The following TMEM116 variants were observed in gnomAD, a reference collection of about 807,000 sequenced individuals.
TMEM116 encodes transmembrane protein 116.
A neutral mutation model predicts 44.3 loss-of-function variants in TMEM116; 38 were observed. That is an observed-to-expected ratio of 0.86 (90% CI 0.66 to 1.12). The LOEUF is 1.12. TMEM116 is among the 50% of genes most tolerant of loss of function. TMEM116 has a pLI of 0.00. For missense variants in TMEM116, 354 were observed against 401.7 expected (o/e 0.88, Z 1.01); for synonymous variants, 132 against 144.8 (o/e 0.91, Z 0.64).
Position 111,943,325 on chromosome 12 carries a change from C to T in TMEM116, c.255G>A (p.Trp85Ter), listed in dbSNP as rs766529422. 6 of 1,613,904 alleles carry T rather than the reference C, an allele frequency of 3.7e-6. No individual in the cohort carries two copies. The highest frequency in any genetic ancestry group is 2.2e-5 in the East Asian group (1 of 44,892). ...TCATCCTCAGCTCTGTGTACAAATACCAGATGTAATTGACGGTGTAGAGAA... is the reference window on the plus strand; with the variant it reads ...TCATCCTCAGCTCTGTGTACAAATATCAGATGTAATTGACGGTGTAGAGAA... ...SSFLYTVNYIWYLYTELRMKH... is the reference protein window; with the variant it reads ...SSFLYTVNYI Residue 85 changes from tryptophan (W) to a stop codon, truncating the protein, a stop_gained, in exon 5 of 11, where the codon TGG (tryptophan) becomes TGA (stop). Coordinates refer to ENST00000552374, the MANE Select transcript of TMEM116 (RefSeq NM_001193531.2). LOFTEE classifies it high-confidence loss of function.
chr12:112,003,658 C>CA, intron 3 of TMEM116, 142 bp downstream of exon 3: 2 of 1,237,524 alleles, frequency 1.6e-6, no homozygotes, highest in Non-Finnish European at 2.1e-6. Flanking sequence ...CTGACCATGC[C>CA]AAAAATATCT....
At position 111,949,880 on chromosome 12, in the gene TMEM116, C is replaced by T. The variant is rs543522970; in HGVS notation, c.211-6511G>A. Among the ~76,000 whole-genome samples, 17 of 152,158 alleles carry T rather than the reference C, an allele frequency of 1.1e-4. No homozygotes were observed. In the South Asian group the frequency reaches 1.2e-3, roughly 11 times the overall value. ...CTGTAATCCCAGCACTTTGGAAGAC[C>T]GAGGCGGGTGGATCACCTGAGGTCA... On this transcript the variant is annotated intron_variant, in intron 4 of 10. Transcript: ENST00000552374.
intron 4 of TMEM116, among the ~76,000 whole-genome samples, chr12:111,951,240 T>C (rs1041089983): frequency 5.3e-5 from 8 of 152,240 alleles, no homozygotes; most frequent in Non-Finnish European, 1.2e-4. Flanking sequence ...AGTTCAACCA[T>C]TGTGGAAAAC....
intron 4 of TMEM116, among the ~76,000 whole-genome samples, chr12:111,972,401 C>T (rs2075397339): frequency 6.6e-6 from 1 of 152,254 alleles, no homozygotes; most frequent in South Asian, 2.1e-4. Flanking sequence ...GATATCAATA[C>T]TCCTCACTCA....
intron 9 of TMEM116, among the ~76,000 whole-genome samples, chr12:111,933,344 T>C (rs1764439391): frequency 6.6e-6 from 1 of 152,086 alleles, no homozygotes; most frequent in African/African-American, 2.4e-5. Context: ...TTTTCTCCTC[T>C]TATATCATGG....
chr12:111,933,025 G>C (rs1177584805), intron 9 of TMEM116, among the ~76,000 whole-genome samples: 1 of 152,194 alleles, frequency 6.6e-6, no homozygotes, highest in Non-Finnish European at 1.5e-5. Flanking sequence ...CAGATCACCT[G>C]AGGTCAGGAG....
intron 1 of TMEM116, 191 bp from the exon 2 acceptor site, chr12:112,005,494 C>T (rs2077527515): frequency 2.1e-6 from 1 of 484,256 alleles, no homozygotes; most frequent in South Asian, 1.1e-4. Flanking sequence ...TTTTTCCTCT[C>T]TTATTTCTAT....
intron 8 of TMEM116, chr12:111,934,236 C>A: frequency 1.8e-6 from 1 of 551,434 alleles, no homozygotes; most frequent in Non-Finnish European, 3.1e-6. Context: ...GGGAAATGGA[C>A]AGGTAACTAG....
At chr12:111,938,898 A>ATAT (rs10635487) in intron 5 of TMEM116, among the ~76,000 whole-genome samples, 40,604 of 151,928 alleles carry the variant, frequency 0.27, 7,058 homozygotes, top group East Asian at 0.85. Flanking sequence ...GATAGAAAAC[A>ATAT]TATATTTGGA....
At chr12:111,932,168 A>G (rs2071706953) in intron 10 of TMEM116, among the ~76,000 whole-genome samples, 1 of 152,142 alleles carries the variant, frequency 6.6e-6, no homozygotes, top group African/African-American at 2.4e-5. Flanking sequence ...AATCCAATAA[A>G]GAAAAAAAAG....
intron 3 of TMEM116, among the ~76,000 whole-genome samples, chr12:111,999,482 G>A (rs910300870): frequency 1.3e-5 from 2 of 151,880 alleles, no homozygotes; most frequent in African/African-American, 4.8e-5. Context: ...TGTAATCCCA[G>A]CTACTCGGGA....
chr12:111,937,341 C>A, intron 6 of TMEM116, 98 bp from the exon 7 acceptor site: 2 of 843,200 alleles, frequency 2.4e-6, no homozygotes, highest in East Asian at 2.7e-5. Context: ...CTCTATCATC[C>A]CACCAATCTC....
intron 10 of TMEM116, 83 bp from the exon 11 acceptor site, chr12:111,931,910 A>C (rs1593247101): frequency 1.1e-6 from 1 of 947,780 alleles, no homozygotes; most frequent in East Asian, 2.6e-5. Context: ...CTTATTCATA[A>C]AGCATTGTTA....
At position 112,008,155 on chromosome 12, in the gene TMEM116, C is replaced by T. The variant is rs572463324; in HGVS notation, c.-33-2852G>A. ...GTGTTTGCATCACTGCACTCACGCTCCAGCCTGAGCGACAGAGTGAAACCC... is the reference window on the plus strand; with the variant it reads ...GTGTTTGCATCACTGCACTCACGCTTCAGCCTGAGCGACAGAGTGAAACCC... On this transcript the variant is annotated intron_variant, in intron 1 of 10. Coordinates refer to ENST00000552374, the MANE Select transcript of TMEM116 (RefSeq NM_001193531.2). Among the ~76,000 whole-genome samples the T allele has an allele frequency of 3.7e-4, 56 of 152,236 alleles. 1 individual carries two copies. Among genetic ancestry groups the T allele is most frequent in the Middle Eastern group, 6.8e-3 (2 of 294 alleles).
chr12:111,959,805 A>G (rs1245359065), intron 4 of TMEM116, among the ~76,000 whole-genome samples: 1 of 152,242 alleles, frequency 6.6e-6, no homozygotes, highest in Admixed American at 6.5e-5. Context: ...AAGAAGAGCT[A>G]ACTATCCTAA....
chr12:111,980,381 A>G (rs2075873570), intron 4 of TMEM116, among the ~76,000 whole-genome samples: 1 of 152,194 alleles, frequency 6.6e-6, no homozygotes, highest in South Asian at 2.1e-4. Context: ...TATAGAAACC[A>G]TAAAAATATC....
intron 4 of TMEM116, among the ~76,000 whole-genome samples, chr12:111,988,671 C>G (rs556524516): frequency 1.0e-4 from 15 of 146,074 alleles, no homozygotes; most frequent in Non-Finnish European, 1.9e-4. Context: ...TGCACTCCAG[C>G]CTGGTGACAG....
Position 112,007,892 on chromosome 12 carries a change from CCT to C in TMEM116, c.-33-2591_-33-2590del, listed in dbSNP as rs1467951474. On this transcript the variant is annotated intron_variant, in intron 1 of 10. Coordinates refer to ENST00000552374, the MANE Select transcript of TMEM116 (RefSeq NM_001193531.2). ...TCAGTTTTTCTATCAAAATTAATCCCCTGCTTGCTGTATATTCAGCACTTTGT... is the reference window on the plus strand; with the variant it reads ...TCAGTTTTTCTATCAAAATTAATCCCGCTTGCTGTATATTCAGCACTTTGT... Among the ~76,000 whole-genome samples the C allele has an allele frequency of 2.0e-5, 3 of 152,172 alleles. No homozygotes were observed. The South Asian group carries it at 6.2e-4, about 31-fold the overall frequency.
intron 4 of TMEM116, among the ~76,000 whole-genome samples, chr12:111,954,926 T>A (rs2073974135): frequency 6.6e-6 from 1 of 152,138 alleles, no homozygotes; most frequent in South Asian, 2.1e-4. Context: ...GTCAGGGTGG[T>A]GGGAAAAATT....
Sources: allele counts gnomAD v4.1 joint callset (sites outside exome capture counted in the v4.1 genomes callset), GRCh38; gene constraint gnomAD v4.1.1; transcripts MANE v1.5; gene names NCBI Gene and HGNC (gene_info 2026-07-23, HGNC 2026-07-21).